CYB5R4: variants seen among roughly 807,000 people sequenced by gnomAD.
The protein encoded by CYB5R4 is cytochrome b5 reductase 4, also known as N-terminal cytochrome b5 and cytochrome b5 oxidoreductase domain-containing protein.
A neutral mutation model predicts 70.2 loss-of-function variants in CYB5R4; 55 were observed. The observed-to-expected ratio is 0.78, with a 90% confidence interval of 0.63 to 0.98. The LOEUF is 0.98. CYB5R4 is among the 50% of genes least tolerant of loss of function. The pLI is 0.00. For synonymous variants in CYB5R4, 197 were observed against 199.5 expected (o/e 0.99, Z 0.11); for missense variants, 562 against 612.6 (o/e 0.92, Z 0.87).
chr6:83,865,453 T>C (rs946498778), intron 2 of CYB5R4, among the ~76,000 whole-genome samples: 2 of 152,184 alleles, frequency 1.3e-5, no homozygotes, highest in African/African-American at 4.8e-5. Context: ...AACAATTTGT[T>C]CCATGCCTCT....
intron 14 of CYB5R4, among the ~76,000 whole-genome samples, chr6:83,948,778 A>G (rs1027029057): frequency 2.0e-5 from 3 of 152,174 alleles, no homozygotes; most frequent in Admixed American, 6.5e-5. Flanking sequence ...TTTGATCTAC[A>G]TAATTTGGGT....
Position 83,859,732 on chromosome 6 carries a change from T to C in CYB5R4, c.-51T>C, listed in dbSNP as rs1432175036. ...GCCACAGAGCCGGAGCTGGAGGTGC[T>C]GTCCCGTCTGGCGGCGATCCCCGGG... On this transcript the variant is annotated 5_prime_UTR_variant, in exon 1 of 16. Transcript: ENST00000369681. The C allele has an allele frequency of 1.9e-6, 3 of 1,594,194 alleles. No individual in the cohort carries two copies. Among genetic ancestry groups the C allele is most frequent in the Admixed American group, 1.7e-5 (1 of 59,578 alleles).
rs1169231415 is a variant in CYB5R4, at chr6:83,962,302, C to A, written c.*2424C>A. Reference sequence around the variant, plus strand: ...TCCATTCCAGGGTATTCTAGAAGGACTTGGAGGAAAAAATCCCCTAAGTAG... The same window carrying A: ...TCCATTCCAGGGTATTCTAGAAGGAATTGGAGGAAAAAATCCCCTAAGTAG... On this transcript the variant is annotated 3_prime_UTR_variant, in exon 16 of 16. Coordinates refer to ENST00000369681, the MANE Select transcript of CYB5R4 (RefSeq NM_016230.4). The A allele has an allele frequency of 6.6e-6, 1 of 152,092 alleles. No homozygotes were observed. The highest frequency in any genetic ancestry group is 1.5e-5 in the Non-Finnish European group (1 of 68,046). The allele number at this position is 152,092 out of a possible 1,614,324, so 9.4% of individuals were successfully genotyped here. A position where few individuals can be genotyped will look rare whatever the true frequency, so the allele number is the denominator to read the frequency against.
intron 2 of CYB5R4, among the ~76,000 whole-genome samples, chr6:83,874,758 C>T (rs1343388362): frequency 1.3e-5 from 2 of 151,758 alleles, no homozygotes; most frequent in Non-Finnish European, 2.9e-5. Context: ...TGTAGGACTT[C>T]TGTTAGAACA....
rs752147086 is a variant in CYB5R4 at position 83,955,323 on chromosome 6, G to T, written c.1372G>T (p.Ala458Ser). 6.2e-7 allele frequency: 1 copy of T among 1,613,326 alleles called. No individual in the cohort carries two copies. Among genetic ancestry groups the T allele is most frequent in the South Asian group, 1.1e-5 (1 of 90,996 alleles). ...ACTGGATGTTGAATTTGTTCTCTCAGCACCTATTTCTGAATGGAATGGCAA... is the reference window on the plus strand; with the variant it reads ...ACTGGATGTTGAATTTGTTCTCTCATCACCTATTTCTGAATGGAATGGCAA... Reference protein sequence around the residue: ...KRLDVEFVLSAPISEWNGKQG... With the variant: ...KRLDVEFVLSSPISEWNGKQG... The change falls in exon 15 of 16, where the codon GCA becomes TCA. Residue 458 changes from alanine to serine, a missense_variant. Coordinates refer to ENST00000369681, the MANE Select transcript of CYB5R4 (RefSeq NM_016230.4).
intron 2 of CYB5R4, among the ~76,000 whole-genome samples, chr6:83,879,109 C>T (rs1473200969): frequency 6.6e-6 from 1 of 151,836 alleles, no homozygotes; most frequent in African/African-American, 2.4e-5. Context: ...CACCTGAGCC[C>T]CAGGGGCTGA....
chr6:83,958,592 C>T (rs2099472813), intron 15 of CYB5R4, among the ~76,000 whole-genome samples: 1 of 152,110 alleles, frequency 6.6e-6, no homozygotes, highest in South Asian at 2.1e-4. Flanking sequence ...AAGCTGCTTG[C>T]CTGGGAGAAC....
intron 2 of CYB5R4, among the ~76,000 whole-genome samples, chr6:83,882,312 G>A (rs1239019357): frequency 6.6e-6 from 1 of 152,152 alleles, no homozygotes; most frequent in Non-Finnish European, 1.5e-5. Flanking sequence ...GTAACTGGAA[G>A]GGGAGAAGAT....
At chr6:83,919,696 T>C (rs1163322512) in intron 7 of CYB5R4, among the ~76,000 whole-genome samples, 1 of 152,102 alleles carries the variant, frequency 6.6e-6, no homozygotes, top group African/African-American at 2.4e-5. Context: ...CCAGAACATC[T>C]GCTCTTAACA....
At position 83,961,846 on chromosome 6, in the gene CYB5R4, T is replaced by C; in HGVS notation, c.*1968T>C. 6.6e-6 allele frequency: 1 copy of C among 151,852 alleles called. No homozygotes were observed. The highest frequency in any genetic ancestry group is 1.9e-4 in the East Asian group (1 of 5,192). The allele number at this position is 151,852 out of a possible 1,614,324, so 9.4% of individuals were successfully genotyped here. On this transcript the variant is annotated 3_prime_UTR_variant, in exon 16 of 16. Transcript: ENST00000369681. ...TCCTATTAGTCGCTATATGTAATGC[T>C]TCCTCATTCCTCCTTTTATGTTTTA...
intron 4 of CYB5R4, among the ~76,000 whole-genome samples, chr6:83,911,900 C>T (rs2099464750): frequency 6.6e-6 from 1 of 151,528 alleles, no homozygotes; most frequent in South Asian, 2.1e-4. Flanking sequence ...AAAAAAATTA[C>T]AAAAATATTA....
rs553936976 is a variant in CYB5R4, at chr6:83,911,955, G to A, written c.413-2461G>A. ...GCCTGTGGTCCCAGCTACTCGGAAG[G>A]CTGAGGCAAGAGGATTTCTTGAGCC... On this transcript the variant is annotated intron_variant, in intron 4 of 15. Coordinates refer to ENST00000369681, the MANE Select transcript of CYB5R4 (RefSeq NM_016230.4). 2.6e-5 allele frequency among the ~76,000 whole-genome samples: 4 copies of A among 151,610 alleles called. No individual in the cohort carries two copies. The South Asian group carries it at 8.3e-4, about 32-fold the overall frequency.
chr6:83,912,336 G>A (rs912516984), intron 4 of CYB5R4, among the ~76,000 whole-genome samples: 8 of 152,094 alleles, frequency 5.3e-5, no homozygotes, highest in Admixed American at 3.3e-4. Flanking sequence ...GTCAATGTCC[G>A]TATTATGTCA....
At chr6:83,861,497 T>C (rs2099455925) in intron 1 of CYB5R4, among the ~76,000 whole-genome samples, 2 of 152,228 alleles carry the variant, frequency 1.3e-5, no homozygotes, top group Admixed American at 6.5e-5. Context: ...AAAAATTCGT[T>C]TTGGCCAGGG....
intron 4 of CYB5R4, among the ~76,000 whole-genome samples, chr6:83,912,371 G>A (rs1421158654): frequency 6.6e-6 from 1 of 152,194 alleles, no homozygotes; most frequent in Non-Finnish European, 1.5e-5. Context: ...ATGATCAATA[G>A]ATGTTTATTA....
chr6:83,904,651 T>C (rs1286827150), intron 3 of CYB5R4, among the ~76,000 whole-genome samples: 1 of 152,232 alleles, frequency 6.6e-6, no homozygotes, highest in Admixed American at 6.5e-5. Context: ...ATTATTGTAT[T>C]GGAGTTTCTC....
intron 10 of CYB5R4, among the ~76,000 whole-genome samples, chr6:83,925,263 C>T (rs2099467098): frequency 6.6e-6 from 1 of 151,904 alleles, no homozygotes; most frequent in African/African-American, 2.4e-5. Context: ...TTTTAAACAA[C>T]CAGATCTTGT....
intron 2 of CYB5R4, among the ~76,000 whole-genome samples, chr6:83,881,411 G>A (rs2099459421): frequency 6.6e-6 from 1 of 152,142 alleles, no homozygotes; most frequent in Non-Finnish European, 1.5e-5. Context: ...TTGTCCCCAA[G>A]CAGCCCACCA....
chr6:83,952,919 A>G (rs947744143), intron 14 of CYB5R4, among the ~76,000 whole-genome samples: 1 of 152,116 alleles, frequency 6.6e-6, no homozygotes, highest in Admixed American at 6.6e-5. Context: ...AAGTTAGCAA[A>G]AGCTGATGAT....
Sources: allele counts gnomAD v4.1 joint callset (sites outside exome capture counted in the v4.1 genomes callset), GRCh38; gene constraint gnomAD v4.1.1; transcripts MANE v1.5; gene names NCBI Gene and HGNC (gene_info 2026-07-23, HGNC 2026-07-21).